Variants in GAS2 observed in about 807,000 individuals in gnomAD.
GAS2 encodes the protein growth arrest specific 2.
Under a neutral mutation model 37.5 loss-of-function variants are expected in GAS2, and 20 were observed. That is an observed-to-expected ratio of 0.53 (90% confidence interval 0.37 to 0.77). GAS2 has a LOEUF of 0.77. Ranked by LOEUF, GAS2 falls within the 30% of genes least tolerant of loss-of-function variation. The pLI, the probability that GAS2 is intolerant of heterozygous loss-of-function variation, is 0.00. For synonymous variants in GAS2, 144 were observed against 132.2 expected (o/e 1.09, Z -0.61); for missense variants, 336 against 373.4 (o/e 0.90, Z 0.82).
intron 5 of GAS2, among the ~76,000 whole-genome samples, chr11:22,747,268 C>A (rs1853460150): frequency 6.6e-6 from 1 of 152,088 alleles, no homozygotes; most frequent in Non-Finnish European, 1.5e-5. Context: ...ATGTAAGATG[C>A]TTGTGATTCT....
chr11:22,709,925 C>T (rs1228065177), intron 3 of GAS2, among the ~76,000 whole-genome samples: 2 of 150,962 alleles, frequency 1.3e-5, no homozygotes, highest in Admixed American at 6.6e-5. Flanking sequence ...AAAAACCAAA[C>T]ACCGCATGTT....
intron 1 of GAS2, among the ~76,000 whole-genome samples, chr11:22,640,715 CT>C (rs1310350800): frequency 8.6e-5 from 13 of 152,000 alleles, no homozygotes; most frequent in Admixed American, 6.6e-5. Context: ...GTTTAATCAC[CT>C]GTATTCATAT....
chr11:22,657,986 T>C (rs1848874155), intron 1 of GAS2, among the ~76,000 whole-genome samples: 1 of 152,036 alleles, frequency 6.6e-6, no homozygotes, highest in Non-Finnish European at 1.5e-5. Flanking sequence ...ACGATCCAGA[T>C]GTATTGGTGG....
At chr11:22,667,782 G>C (rs1188354840) in intron 1 of GAS2, among the ~76,000 whole-genome samples, 2 of 152,216 alleles carry the variant, frequency 1.3e-5, no homozygotes, top group East Asian at 1.9e-4. Context: ...AATTGAGGTT[G>C]GGGGAGGGTT....
At chr11:22,721,963 G>T (rs1007615151) in intron 3 of GAS2, among the ~76,000 whole-genome samples, 5 of 151,806 alleles carry the variant, frequency 3.3e-5, no homozygotes, top group Non-Finnish European at 7.4e-5. Flanking sequence ...TAATTAATTT[G>T]CACCCCCATA....
intron 3 of GAS2, among the ~76,000 whole-genome samples, chr11:22,723,313 C>T (rs1565110134): frequency 6.6e-6 from 1 of 151,866 alleles, no homozygotes; most frequent in African/African-American, 2.4e-5. Flanking sequence ...AAATGACTTA[C>T]CTGTCTTCCA....
At chr11:22,735,439 T>C (rs569051849) in intron 4 of GAS2, among the ~76,000 whole-genome samples, 1 of 151,866 alleles carries the variant, frequency 6.6e-6, no homozygotes, top group Admixed American at 6.6e-5. Context: ...GGTTTATCTG[T>C]CTTAAATTTT....
chr11:22,648,598 A>C (rs1335666479), intron 1 of GAS2, among the ~76,000 whole-genome samples: 4 of 151,956 alleles, frequency 2.6e-5, no homozygotes, highest in Non-Finnish European at 5.9e-5. Flanking sequence ...CTTTTATTTC[A>C]TTGAGCAGTG....
At chr11:22,668,884 A>C (rs1849092791) in intron 1 of GAS2, among the ~76,000 whole-genome samples, 2 of 152,200 alleles carry the variant, frequency 1.3e-5, no homozygotes, top group African/African-American at 4.8e-5. Context: ...TAAGGTCCAA[A>C]CAGGATCCAA....
intron 5 of GAS2, among the ~76,000 whole-genome samples, chr11:22,748,104 A>G (rs893934381): frequency 2.6e-5 from 4 of 152,158 alleles, no homozygotes; most frequent in Admixed American, 6.6e-5. Context: ...AATAGATAAA[A>G]AAGTAGATAA....
At chr11:22,723,918 T>G (rs1852064651) in intron 3 of GAS2, among the ~76,000 whole-genome samples, 1 of 151,904 alleles carries the variant, frequency 6.6e-6, no homozygotes, top group Admixed American at 6.6e-5. Flanking sequence ...GTAGTATTGA[T>G]AAAATATAAA....
intron 2 of GAS2, among the ~76,000 whole-genome samples, chr11:22,682,537 G>T (rs1459890234): frequency 1.3e-5 from 2 of 152,028 alleles, no homozygotes; most frequent in Non-Finnish European, 2.9e-5. Context: ...ATAATTAAGA[G>T]AATTATTTCT....
At chr11:22,741,256 C>T (rs185819498) in intron 5 of GAS2, among the ~76,000 whole-genome samples, 3 of 152,200 alleles carry the variant, frequency 2.0e-5, no homozygotes, top group Admixed American at 1.3e-4. Flanking sequence ...TGAAATCCCT[C>T]TGCTAATATT....
At chr11:22,684,030 T>C (rs1849823719) in intron 2 of GAS2, among the ~76,000 whole-genome samples, 1 of 152,120 alleles carries the variant, frequency 6.6e-6, no homozygotes, top group Admixed American at 6.6e-5. Context: ...TGATTAAAGA[T>C]AGAACTTGTC....
At chr11:22,737,926 C>A (rs533570600) in intron 5 of GAS2, among the ~76,000 whole-genome samples, 158 bp downstream of exon 5, 1 of 152,284 alleles carries the variant, frequency 6.6e-6, no homozygotes, top group African/African-American at 2.4e-5. Context: ...AGCAGTTAAC[C>A]AAATTAAAAG....
At chr11:22,645,664 A>C (rs888300017) in intron 1 of GAS2, among the ~76,000 whole-genome samples, 1 of 152,006 alleles carries the variant, frequency 6.6e-6, no homozygotes, top group Non-Finnish European at 1.5e-5. Flanking sequence ...GATCACAGTC[A>C]ATGATATAAT....
At chr11:22,650,905 T>C (rs1472957066) in intron 1 of GAS2, among the ~76,000 whole-genome samples, 1 of 150,922 alleles carries the variant, frequency 6.6e-6, no homozygotes, top group African/African-American at 2.4e-5. Flanking sequence ...ATTGGAGCAT[T>C]TAGTCCATTT....
At chr11:22,693,365 C>T (rs1014164241) in intron 3 of GAS2, among the ~76,000 whole-genome samples, 3 of 152,136 alleles carry the variant, frequency 2.0e-5, no homozygotes, top group East Asian at 1.9e-4. Context: ...TCTGTAACAT[C>T]GATTCTGATT....
At chr11:22,668,485 C>T (rs776213422) in intron 1 of GAS2, 3 of 152,142 alleles carry the variant, frequency 2.0e-5, no homozygotes, top group Non-Finnish European at 2.9e-5. Context: ...TATTTCATTA[C>T]TTTATTGCTA....
Sources: gnomAD v4.1 joint callset for allele counts (sites outside exome capture counted in the v4.1 genomes callset) on GRCh38, gnomAD v4.1.1 for gene constraint, MANE v1.5 for transcripts, NCBI Gene and HGNC (gene_info 2026-07-23, HGNC 2026-07-21) for gene names.